The following SYPL1 variants were observed in gnomAD, a reference collection of about 807,000 sequenced individuals.
The protein encoded by SYPL1 is synaptophysin like 1, also known as synaptophysin-like protein 1.
In SYPL1, 6 loss-of-function variants were observed where a neutral mutation model predicts 23.7. The observed-to-expected ratio is 0.25, with a 90% CI of 0.14 to 0.50. The LOEUF (loss-of-function observed/expected upper bound fraction) is 0.50, where lower values mean the gene tolerates loss of function less well. Among genes scored for constraint, SYPL1 ranks in the 20% least tolerant of loss-of-function variants. SYPL1 has a pLI of 0.98. For synonymous variants in SYPL1, 102 were observed against 104.5 expected (o/e 0.98, Z 0.15); for missense variants, 253 against 288.9 (o/e 0.88, Z 0.90).
Position 106,091,724 on chromosome 7 carries a change from G to A in SYPL1, c.*81C>T. 1 of 1,427,094 alleles carries A rather than the reference G, an allele frequency of 7.0e-7. No homozygotes were observed. The highest frequency in any genetic ancestry group is 9.3e-7 in the Non-Finnish European group (1 of 1,074,154). The allele number at this position is 1,427,094 out of a possible 1,614,324, so 88.4% of individuals were successfully genotyped here. ...ATTGACAAAGCCATTACTTTTATTA[G>A]AAACAAATAATGCTTCTCAAGGTGT... is the stretch of plus-strand genomic sequence containing the variant. On this transcript the variant is annotated 3_prime_UTR_variant, in exon 5 of 5. Coordinates refer to ENST00000455385, the MANE Select transcript of SYPL1 (RefSeq NM_182715.4). The surrounding 1 kb of genome is among the most constrained non-coding windows in gnomAD (Gnocchi z 5.0).
intron 1 of SYPL1, chr7:106,111,934 G>T: frequency 6.1e-6 from 3 of 488,968 alleles, no homozygotes; most frequent in African/African-American, 2.1e-5. Flanking sequence ...CGAGGAGCTC[G>T]TGATTCGACG....
At position 106,091,696 on chromosome 7, in the gene SYPL1, T is replaced by C. The variant is rs1839735491; in HGVS notation, c.*109A>G. 1 of 1,242,560 alleles carries C rather than the reference T, an allele frequency of 8.0e-7. No individual in the cohort carries two copies. Among genetic ancestry groups the C allele is most frequent in the Non-Finnish European group, 1.1e-6 (1 of 929,230 alleles). 77.0% of individuals were successfully genotyped at this position (1,242,560 alleles called of 1,614,324 possible). Reference sequence around the variant, plus strand: ...AGCAGCAAAGTTTTAAACCCACCAATATATTGACAAAGCCATTACTTTTAT... The same window carrying C: ...AGCAGCAAAGTTTTAAACCCACCAACATATTGACAAAGCCATTACTTTTAT... On this transcript the variant is annotated 3_prime_UTR_variant, in exon 5 of 5. Coordinates refer to ENST00000455385, the MANE Select transcript of SYPL1 (RefSeq NM_182715.4). This position sits in a 1 kb window ranked among gnomAD's most constrained non-coding sequence, Gnocchi z 5.0.
chr7:106,112,004 G>A, intron 1 of SYPL1, 136 bp downstream of exon 1: 5 of 1,084,312 alleles, frequency 4.6e-6, no homozygotes, highest in African/African-American at 1.7e-5. Context: ...CCTCCCTGCC[G>A]TCCACTCCCA....
rs909274613 is a variant in SYPL1, at chr7:106,095,177, T to C, written c.403-2040A>G. Among the ~76,000 whole-genome samples the C allele has an allele frequency of 3.3e-5, 5 of 152,174 alleles. No homozygotes were observed. Among genetic ancestry groups the C allele is most frequent in the African/African-American group, 1.2e-4 (5 of 41,442 alleles). ...CTTAACAAAAAAAAAAGTGCTATAT[T>C]TACTTCAAAAGAGAATTGAAGTAGA... On this transcript the variant is annotated intron_variant, in intron 3 of 4. Transcript: ENST00000455385. This position sits in a 1 kb window ranked among gnomAD's most constrained non-coding sequence, Gnocchi z 4.3.
At position 106,091,787 on chromosome 7, in the gene SYPL1, G is replaced by T; in HGVS notation, c.*18C>A. The T allele has an allele frequency of 6.2e-7, 1 of 1,603,952 alleles. No individual in the cohort carries two copies. Among genetic ancestry groups the T allele is most frequent in the Non-Finnish European group, 8.5e-7 (1 of 1,176,838 alleles). On this transcript the variant is annotated 3_prime_UTR_variant, in exon 5 of 5. Coordinates refer to ENST00000455385, the MANE Select transcript of SYPL1 (RefSeq NM_182715.4). This position sits in a 1 kb window ranked among gnomAD's most constrained non-coding sequence, Gnocchi z 5.0. ...ATAGTATCAACATATACTTCATACAGTGTATTTCTCCCTTTAATTATATTC... is the reference window on the plus strand; with the variant it reads ...ATAGTATCAACATATACTTCATACATTGTATTTCTCCCTTTAATTATATTC...
chr7:106,101,462 C>CAG (rs1840315873), intron 1 of SYPL1, among the ~76,000 whole-genome samples: 1 of 69,416 alleles, frequency 1.4e-5, no homozygotes, highest in Non-Finnish European at 2.9e-5. Flanking sequence ...CCCCCCCCCC[C>CAG]CCCCCACAAA....
intron 1 of SYPL1, among the ~76,000 whole-genome samples, chr7:106,107,269 T>A (rs1840652661): frequency 1.3e-5 from 2 of 152,318 alleles, no homozygotes; most frequent in South Asian, 4.1e-4. Flanking sequence ...CCAAAATGTT[T>A]ACTAAAGTTA....
At position 106,097,766 on chromosome 7, in the gene SYPL1, A is replaced by G. The variant is rs1010284986; in HGVS notation, c.326T>C (p.Leu109Pro). The G allele has an allele frequency of 6.2e-6, 10 of 1,614,008 alleles. No individual in the cohort carries two copies. In the Admixed American group the frequency reaches 1.2e-4, roughly 19 times the overall value. The change falls in exon 3 of 5, where the codon CTG (leucine) becomes CCG (proline). Residue 109 changes from leucine to proline, a missense_variant. Transcript: ENST00000455385. The surrounding 1 kb of genome is among the most constrained non-coding windows in gnomAD (Gnocchi z 4.6). The part of the protein sequence containing the change: ...FYVTFAVFVF[L>P]YCIAALLLYV... ...AAGCAGAAGGGCAGCAATGCAGTAC[A>G]GGAACACAAAGACTGCAAAGGTAAC...
chr7:106,106,107 A>T (rs1055870683), intron 1 of SYPL1, among the ~76,000 whole-genome samples: 4 of 152,252 alleles, frequency 2.6e-5, no homozygotes, highest in African/African-American at 9.6e-5. Flanking sequence ...ATAGTATCTG[A>T]AGCAAGGATT....
Position 106,096,474 on chromosome 7 carries a change from G to C in SYPL1, c.402+1216C>G, listed in dbSNP as rs1840022950. Among the ~76,000 whole-genome samples the C allele has an allele frequency of 6.6e-6, 1 of 152,124 alleles. No individual in the cohort carries two copies. The highest frequency in any genetic ancestry group is 1.5e-5 in the Non-Finnish European group (1 of 68,012). On this transcript the variant is annotated intron_variant, in intron 3 of 4. Coordinates refer to ENST00000455385, the MANE Select transcript of SYPL1 (RefSeq NM_182715.4). This position sits in a 1 kb window ranked among gnomAD's most constrained non-coding sequence, Gnocchi z 4.4. ...AGTATCACACATAAAAAACACCTCT[G>C]TTTTCCCTTTAAGTCACTAATAACT...
At position 106,092,991 on chromosome 7, in the gene SYPL1, G is replaced by GTAA; in HGVS notation, c.546_548dup (p.Tyr183dup). 1 of 1,611,856 alleles carries GTAA rather than the reference G, an allele frequency of 6.2e-7. No homozygotes were observed. On this transcript the variant is annotated inframe_insertion, in exon 4 of 5. Coordinates refer to ENST00000455385, the MANE Select transcript of SYPL1 (RefSeq NM_182715.4). ...ATCCCATACTGGTCACAGAGCCAAA[G>GTAA]TAACACAGTACTGCTTTCTTCTTAC...
At chr7:106,099,312 A>T (rs199642500) in intron 1 of SYPL1, 30 bp from the exon 2 acceptor site, 30 of 1,589,636 alleles carry the variant, frequency 1.9e-5, no homozygotes, top group Non-Finnish European at 2.5e-5. Context: ...AAAAGACAAA[A>T]GAAAAAAAAG....
Position 106,097,922 on chromosome 7 carries a change from T to C in SYPL1, c.195-25A>G, listed in dbSNP as rs12705333. 0.42 allele frequency: 667,279 copies of C among 1,578,688 alleles called. 146,883 individuals carry two copies. Among genetic ancestry groups the C allele is most frequent in the Admixed American group, 0.49 (29,005 of 59,142 alleles). On this transcript the variant is annotated intron_variant, in intron 2 of 4. Transcript: ENST00000455385. This position sits in a 1 kb window ranked among gnomAD's most constrained non-coding sequence, Gnocchi z 4.6. ...CCTATTAAAATAAATGTATGAATTA[T>C]TGGACTTTCCCAACAGAGACAGAAA...
rs1265930717 is a variant in SYPL1, at chr7:106,109,182, C to G, written c.69+2958G>C. ...GCAAATAAAGACTTTTGTTGCATAC[C>G]AAATACAATGGTTGTCTCCAGAGAA... On this transcript the variant is annotated intron_variant, in intron 1 of 4. Transcript: ENST00000455385. The surrounding 1 kb of genome is among the most constrained non-coding windows in gnomAD (Gnocchi z 4.3). 6.6e-6 allele frequency among the ~76,000 whole-genome samples: 1 copy of G among 152,154 alleles called. No homozygotes were observed. Among genetic ancestry groups the G allele is most frequent in the African/African-American group, 2.4e-5 (1 of 41,418 alleles).
At position 106,112,216 on chromosome 7, in the gene SYPL1, G is replaced by A. The variant is rs1258402886; in HGVS notation, c.-8C>T. 7.1e-6 allele frequency: 11 copies of A among 1,540,700 alleles called. No individual in the cohort carries two copies. Among genetic ancestry groups the A allele is most frequent in the Non-Finnish European group, 8.8e-6 (10 of 1,135,984 alleles). Reference sequence around the variant, plus strand: ...GATCTGGAAGCCGGACATCCTCTGAGGAAAGGAGGGAGAGAGAGTCAGGAC... The same window carrying A: ...GATCTGGAAGCCGGACATCCTCTGAAGAAAGGAGGGAGAGAGAGTCAGGAC... On this transcript the variant is annotated 5_prime_UTR_variant, in exon 1 of 5. Coordinates refer to ENST00000455385, the MANE Select transcript of SYPL1 (RefSeq NM_182715.4).
At chr7:106,103,957 C>T (rs1840455636) in intron 1 of SYPL1, among the ~76,000 whole-genome samples, 1 of 152,176 alleles carries the variant, frequency 6.6e-6, no homozygotes, top group South Asian at 2.1e-4. Context: ...GCTGATCGAT[C>T]CTCAACTTTA....
chr7:106,103,046 T>C (rs1840408991), intron 1 of SYPL1, among the ~76,000 whole-genome samples: 1 of 152,110 alleles, frequency 6.6e-6, no homozygotes, highest in South Asian at 2.1e-4. Context: ...ATATTTATAA[T>C]AAACATAATG....
chr7:106,099,974 C>T (rs1400139910), intron 1 of SYPL1, among the ~76,000 whole-genome samples: 1 of 152,158 alleles, frequency 6.6e-6, no homozygotes, highest in Non-Finnish European at 1.5e-5. Context: ...TATGACAATT[C>T]ATTTGCTCAT....
intron 1 of SYPL1, among the ~76,000 whole-genome samples, chr7:106,111,318 G>A (rs1790133777): frequency 6.6e-6 from 1 of 152,246 alleles, no homozygotes; most frequent in Admixed American, 6.5e-5. Flanking sequence ...CTTGCCTGCA[G>A]AAATATGTAG....
Sources: allele counts gnomAD v4.1 joint callset (sites outside exome capture counted in the v4.1 genomes callset), GRCh38; gene constraint gnomAD v4.1.1; non-coding constraint Gnocchi (gnomAD v3.1); transcripts MANE v1.5; gene names NCBI Gene and HGNC (gene_info 2026-07-23, HGNC 2026-07-21).